Variants in DMD observed in about 807,000 individuals in gnomAD.
DMD encodes dystrophin, also known as mutant dystrophin.
In DMD, 63 loss-of-function variants were observed where a neutral mutation model predicts 330.1. That is an observed-to-expected ratio of 0.19 (90% CI 0.16 to 0.24). DMD has a LOEUF of 0.24. Among genes scored for constraint, DMD ranks in the 10% least tolerant of loss-of-function variants. The pLI is 1.00. For missense variants in DMD, 3,344 were observed against 2,684.1 expected (o/e 1.25, Z -5.43); for synonymous variants, 1,223 against 959.8 (o/e 1.27, Z -5.07).
chrX:32,560,273 C>T (rs775377498), intron 16 of DMD, among the ~76,000 whole-genome samples: 3 of 108,715 alleles, frequency 2.8e-5, no homozygotes, highest in Non-Finnish European at 5.7e-5. Flanking sequence ...ACAGTAATTA[C>T]AATTTATGGC....
chrX:32,166,690 C>T (rs991013585), intron 44 of DMD, among the ~76,000 whole-genome samples: 1 of 111,154 alleles, frequency 9.0e-6, no homozygotes, highest in African/African-American at 3.3e-5. Flanking sequence ...AGTCACTCTA[C>T]AAATATTTGA....
At chrX:33,309,679 G>T (rs1051643732) in intron 1 of DMD, among the ~76,000 whole-genome samples, 8 of 110,910 alleles carry the variant, frequency 7.2e-5, no homozygotes, top group African/African-American at 2.6e-4. Context: ...GCAACCATTT[G>T]CATAAAATCT....
At chrX:33,039,771 C>G (rs141821146) in intron 1 of DMD, among the ~76,000 whole-genome samples, 22 of 111,491 alleles carry the variant, frequency 2.0e-4, no homozygotes, top group African/African-American at 6.8e-4. Context: ...AAAATACTTA[C>G]GCTTTCCATC....
chrX:33,305,251 G>A (rs2053739443), intron 1 of DMD, among the ~76,000 whole-genome samples: 2 of 106,609 alleles, frequency 1.9e-5, no homozygotes, highest in African/African-American at 6.9e-5. Flanking sequence ...AAAATGATGA[G>A]TTCATGTCCT....
intron 7 of DMD, among the ~76,000 whole-genome samples, chrX:32,737,727 C>G (rs2068706414): frequency 8.9e-6 from 1 of 111,740 alleles, no homozygotes; most frequent in Non-Finnish European, 1.9e-5. Context: ...CCCACAGCTC[C>G]TTTTGGTCAG....
intron 45 of DMD, among the ~76,000 whole-genome samples, chrX:31,967,470 C>T (rs1274235600): frequency 9.1e-6 from 1 of 109,409 alleles, no homozygotes; most frequent in Non-Finnish European, 1.9e-5. Flanking sequence ...TGACATAATT[C>T]CAAAATCTTC....
intron 2 of DMD, among the ~76,000 whole-genome samples, chrX:32,981,666 CTAAAT>C (rs1433331963): frequency 9.0e-6 from 1 of 111,004 alleles, no homozygotes. Context: ...ATTACTATAA[CTAAAT>C]TATGTTTTGA....
chrX:32,462,181 C>A (rs1432286886), intron 25 of DMD, among the ~76,000 whole-genome samples: 2 of 111,010 alleles, frequency 1.8e-5, no homozygotes, highest in Non-Finnish European at 3.8e-5. Context: ...ATAGATGATA[C>A]CTAACCCTAT....
intron 57 of DMD, among the ~76,000 whole-genome samples, chrX:31,490,614 C>T (rs993588153): frequency 2.7e-5 from 3 of 112,100 alleles, no homozygotes; most frequent in African/African-American, 9.7e-5. Flanking sequence ...ATCACTCTAT[C>T]GCAACTTTTG....
chrX:33,056,354 T>C (rs2094518025), intron 1 of DMD, among the ~76,000 whole-genome samples: 1 of 109,294 alleles, frequency 9.1e-6, no homozygotes, highest in South Asian at 3.9e-4. Flanking sequence ...TTTTTCTTTT[T>C]CTTTTCTTTT....
At chrX:31,833,833 T>C (rs2093130529) in intron 49 of DMD, among the ~76,000 whole-genome samples, 2 of 111,381 alleles carry the variant, frequency 1.8e-5, no homozygotes, top group South Asian at 7.6e-4. Flanking sequence ...AATTAGAATG[T>C]TTGTAAGCGG....
At chrX:32,148,084 C>A (rs947926655) in intron 44 of DMD, among the ~76,000 whole-genome samples, 2 of 109,555 alleles carry the variant, frequency 1.8e-5, no homozygotes, top group Non-Finnish European at 1.9e-5. Context: ...TCACCGTGTT[C>A]GCCAGGATGG....
intron 25 of DMD, among the ~76,000 whole-genome samples, chrX:32,458,263 G>A (rs1292918580): frequency 8.1e-5 from 9 of 110,903 alleles, no homozygotes; most frequent in South Asian, 3.7e-4. Context: ...GTATTTGACC[G>A]CGTGTGTCTG....
intron 20 of DMD, among the ~76,000 whole-genome samples, chrX:32,486,730 G>C (rs1380141850): frequency 1.9e-5 from 2 of 106,080 alleles, no homozygotes; most frequent in Admixed American, 2.1e-4. Context: ...TGACAAACCT[G>C]ACAAAAACAA....
At chrX:31,134,222 A>G (rs761425677) in intron 76 of DMD, 28 bp from the exon 77 acceptor site, 1 of 1,127,503 alleles carries the variant, frequency 8.9e-7, no homozygotes, top group African/African-American at 1.8e-5. Context: ...CAAATAATGG[A>G]AAATTACATT....
chrX:32,581,068 T>C, intron 13 of DMD, among the ~76,000 whole-genome samples: 2 of 111,688 alleles, frequency 1.8e-5, no homozygotes, highest in South Asian at 7.5e-4. Flanking sequence ...TCAAGTGATC[T>C]GCCCGCCTCG....
chrX:31,225,140 T>C (rs936344652), intron 63 of DMD, among the ~76,000 whole-genome samples: 3 of 112,581 alleles, frequency 2.7e-5, no homozygotes, highest in African/African-American at 9.7e-5. Context: ...TATGCCCTGA[T>C]AAGGTAAATT....
At chrX:32,592,023 G>C (rs1387845905) in intron 13 of DMD, among the ~76,000 whole-genome samples, 1 of 112,359 alleles carries the variant, frequency 8.9e-6, no homozygotes, top group Non-Finnish European at 1.9e-5. Context: ...GGGCACTGAT[G>C]AGCATGGGAG....
chrX:32,677,164 C>G (rs1393077746), intron 9 of DMD, among the ~76,000 whole-genome samples: 1 of 110,927 alleles, frequency 9.0e-6, no homozygotes, highest in Admixed American at 9.6e-5. Context: ...AACCTTTGTT[C>G]TAAGTACATA....
Sources: allele counts gnomAD v4.1 joint callset (sites outside exome capture counted in the v4.1 genomes callset), GRCh38; gene constraint gnomAD v4.1.1; transcripts MANE v1.5; gene names NCBI Gene and HGNC (gene_info 2026-07-23, HGNC 2026-07-21).